Variants in SULT2A1 observed in about 807,000 individuals in gnomAD.
SULT2A1 encodes the protein sulfotransferase 2A1.
SULT2A1 carries 43 observed loss-of-function variants against 33.9 expected under a neutral mutation model. The ratio of observed to expected loss-of-function variants is 1.27; its 90% confidence interval spans 1.00 to 1.64. The LOEUF (loss-of-function observed/expected upper bound fraction) is 1.64, where lower values mean the gene tolerates loss of function less well. Among genes scored for constraint, SULT2A1 ranks in the 40% most tolerant of loss-of-function variants. The pLI, the probability that SULT2A1 is intolerant of heterozygous loss-of-function variation, is 0.00. For synonymous variants in SULT2A1, 125 were observed against 113.6 expected (o/e 1.10, Z -0.64); for missense variants, 300 against 335.1 (o/e 0.90, Z 0.82).
intron 2 of SULT2A1, among the ~76,000 whole-genome samples, chr19:47,883,343 A>G (rs1968620553): frequency 1.3e-5 from 2 of 151,772 alleles, no homozygotes; most frequent in Admixed American, 1.3e-4. Context: ...TAGTGTTTTC[A>G]CCCTATCCCT....
rs189108811 is a variant in SULT2A1 at position 47,874,055 on chromosome 19, C to T, written c.745+602G>A. 3.1e-3 allele frequency among the ~76,000 whole-genome samples: 470 copies of T among 152,202 alleles called. 1 individual carries two copies. Among genetic ancestry groups the T allele is most frequent in the Non-Finnish European group, 5.0e-3 (337 of 68,026 alleles). ...CTAGCAAGGGTTGCTAGTTAACCTG[C>T]TCACTGTCTGTAGAATGGATAATGC... On this transcript the variant is annotated intron_variant, in intron 5 of 5. Coordinates refer to ENST00000222002, the MANE Select transcript of SULT2A1 (RefSeq NM_003167.4).
chr19:47,882,821 A>G (rs1968616088), intron 2 of SULT2A1, among the ~76,000 whole-genome samples: 1 of 152,122 alleles, frequency 6.6e-6, no homozygotes, highest in South Asian at 2.1e-4. Context: ...AGGCTGGAGC[A>G]GGAGAATCAC....
chr19:47,875,518 G>A (rs1339758301), intron 4 of SULT2A1, among the ~76,000 whole-genome samples: 1 of 151,694 alleles, frequency 6.6e-6, no homozygotes, highest in African/African-American at 2.4e-5. Flanking sequence ...CACAGCTGTG[G>A]TACCAGCTAC....
chr19:47,874,271 T>A (rs1968520955), intron 5 of SULT2A1, among the ~76,000 whole-genome samples: 1 of 152,066 alleles, frequency 6.6e-6, no homozygotes, highest in South Asian at 2.1e-4. Context: ...CCGGGCGCCG[T>A]GGCTCATGCC....
rs1234034927 is a variant in SULT2A1 at position 47,871,299 on chromosome 19, A to G, written c.*156T>C. The G allele has an allele frequency of 2.7e-5, 17 of 636,884 alleles. No individual in the cohort carries two copies. The highest frequency in any genetic ancestry group is 4.0e-5 in the Non-Finnish European group (15 of 371,110). 39.5% of individuals were successfully genotyped at this position (636,884 alleles called of 1,614,324 possible). On this transcript the variant is annotated 3_prime_UTR_variant, in exon 6 of 6. Transcript: ENST00000222002. Reference sequence around the variant, plus strand: ...ACCACCGTGCCTGGCCAACCCTGGTAACTTTTAACAAGGAAGGGATCAGAG... The same window carrying G: ...ACCACCGTGCCTGGCCAACCCTGGTGACTTTTAACAAGGAAGGGATCAGAG...
At chr19:47,871,847 A>G (rs1282618708) in intron 5 of SULT2A1, among the ~76,000 whole-genome samples, 1 of 152,090 alleles carries the variant, frequency 6.6e-6, no homozygotes, top group Non-Finnish European at 1.5e-5. Context: ...TGTTTCTACC[A>G]CGTTGACTCA....
intron 1 of SULT2A1, among the ~76,000 whole-genome samples, chr19:47,885,644 C>T (rs1968649147): frequency 6.6e-6 from 1 of 152,198 alleles, no homozygotes; most frequent in Admixed American, 6.5e-5. Flanking sequence ...CGCCCTCCAC[C>T]CACAGCCCCA....
At chr19:47,884,646 C>T (rs966130604) in intron 1 of SULT2A1, among the ~76,000 whole-genome samples, 6 of 151,794 alleles carry the variant, frequency 4.0e-5, no homozygotes, top group African/African-American at 9.7e-5. Flanking sequence ...TGTGCCATCG[C>T]GCTGGGCTAA....
chr19:47,886,193 G>C lies in SULT2A1; in HGVS notation c.65C>G (p.Thr22Ser), dbSNP rs1030604616. Residue 22 changes from threonine to serine, a missense_variant, in exon 1 of 6, where the codon ACC becomes AGC. Thr to Ser is a moderately conservative substitution (Grantham distance 58, BLOSUM62 1). Coordinates refer to ENST00000222002, the MANE Select transcript of SULT2A1 (RefSeq NM_003167.4). ...AFPTMGFRSE[T>S]LRKVRDEFVI... The stretch of plus-strand genomic sequence containing the variant: ...GAACTCATCACGTACTTTTCTTAAG[G>C]TTTCGGATCTGAAACCCATAGTAGG... 6.2e-7 allele frequency: 1 copy of C among 1,614,014 alleles called. No individual in the cohort carries two copies. Among genetic ancestry groups the C allele is most frequent in the East Asian group, 2.2e-5 (1 of 44,870 alleles).
chr19:47,880,825 T>C (rs1224120155), intron 3 of SULT2A1, among the ~76,000 whole-genome samples: 1 of 151,922 alleles, frequency 6.6e-6, no homozygotes, highest in African/African-American at 2.4e-5. Flanking sequence ...TGACCTCAGG[T>C]GATCCGCCTG....
At chr19:47,875,158 C>CAAAAAA (rs36196588) in intron 4 of SULT2A1, among the ~76,000 whole-genome samples, 11 of 94,078 alleles carry the variant, frequency 1.2e-4, no homozygotes, top group South Asian at 3.9e-4. Flanking sequence ...GAGACCTTGT[C>CAAAAAA]AAAAAAAAAA....
chr19:47,874,174 C>T (rs529830950), intron 5 of SULT2A1, among the ~76,000 whole-genome samples: 1 of 152,258 alleles, frequency 6.6e-6, no homozygotes, highest in African/African-American at 2.4e-5. Context: ...CCACCTACAG[C>T]CCACATCAGT....
chr19:47,881,061 G>A (rs1968598660), intron 3 of SULT2A1, among the ~76,000 whole-genome samples: 1 of 151,952 alleles, frequency 6.6e-6, no homozygotes, highest in South Asian at 2.1e-4. Flanking sequence ...TTGAGATGGA[G>A]TTTTGATTTT....
chr19:47,877,204 T>C (rs62531008), intron 4 of SULT2A1, among the ~76,000 whole-genome samples: 8,976 of 141,826 alleles, frequency 0.063, 354 homozygotes, highest in East Asian at 0.14. Context: ...TTGGTGTTAT[T>C]TTCTCTTTTA....
Position 47,879,093 on chromosome 19 carries a change from C to A in SULT2A1, c.510G>T (p.Trp170Cys), listed in dbSNP as rs928731908. 1.9e-6 allele frequency: 3 copies of A among 1,613,762 alleles called. No homozygotes were observed. In the African/African-American group the frequency reaches 4.0e-5, roughly 22 times the overall value. The change falls in exon 4 of 6, where the codon TGG becomes TGT. Residue 170 changes from tryptophan to cysteine, a missense_variant. Transcript: ENST00000222002. ...YGSWFDHIHG[W>C]MPMREEKNFL... Reference sequence around the variant, plus strand: ...AGTTTTTCTCCTCTCTCATGGGCATCCAGCCATGAATGTGGTCAAACCATG... The same window carrying A: ...AGTTTTTCTCCTCTCTCATGGGCATACAGCCATGAATGTGGTCAAACCATG...
In SULT2A1 at chr19:47,872,777, G is replaced by C. The variant is rs76948276; in HGVS notation, c.746-1210C>G. On this transcript the variant is annotated intron_variant, in intron 5 of 5. Transcript: ENST00000222002. The stretch of plus-strand genomic sequence containing the variant: ...AGCATTTATCTTTTTTTTTTTTTTT[G>C]AGATGGAGTCTTGCTCTGTCTCCCA... Among the ~76,000 whole-genome samples, 36 of 76,816 alleles carry C rather than the reference G, an allele frequency of 4.7e-4. 1 individual carries two copies. Among genetic ancestry groups the C allele is most frequent in the African/African-American group, 1.9e-3 (35 of 18,172 alleles). The allele number at this position is 76,816 out of a possible 152,430, so 50.4% of individuals were successfully genotyped here. A position where few individuals can be genotyped will look rare whatever the true frequency, so the allele number is the denominator to read the frequency against.
rs972423172 is a variant in SULT2A1, at chr19:47,883,752, A to G, written c.170T>C (p.Met57Thr). Residue 57 changes from methionine to threonine, a missense_variant, in exon 2 of 6, where the codon ATG becomes ACG. Transcript: ENST00000222002. The part of the protein sequence containing the change: ...TNWLAEILCL[M>T]HSKGDAKWIQ... Reference sequence around the variant, plus strand: ...CCACTTGGCATCCCCCTTGGAGTGCATCAGGCAGAGAATCTCAGCCAACCA... The same window carrying G: ...CCACTTGGCATCCCCCTTGGAGTGCGTCAGGCAGAGAATCTCAGCCAACCA... 17 of 1,614,156 alleles carry G rather than the reference A, an allele frequency of 1.1e-5. No homozygotes were observed. Among genetic ancestry groups the G allele is most frequent in the Non-Finnish European group, 1.4e-5 (17 of 1,180,024 alleles).
intron 3 of SULT2A1, among the ~76,000 whole-genome samples, chr19:47,879,978 T>C (rs2122151462): frequency 6.6e-6 from 1 of 151,760 alleles, no homozygotes; most frequent in East Asian, 1.9e-4. Context: ...GGCTCACACC[T>C]GTAATCCCAG....
In SULT2A1 at chr19:47,871,416, A is replaced by G. The variant is rs1968491202; in HGVS notation, c.*39T>C. 5 of 1,450,754 alleles carry G rather than the reference A, an allele frequency of 3.4e-6. No homozygotes were observed. The highest frequency in any genetic ancestry group is 3.9e-6 in the Non-Finnish European group (4 of 1,031,552). 89.9% of individuals were successfully genotyped at this position (1,450,754 alleles called of 1,614,324 possible). A position where few individuals can be genotyped will look rare whatever the true frequency, so the allele number is the denominator to read the frequency against. ...GTACATGTACAAGGACAGGAGAATC[A>G]ATGTCATTCTCCATATAAGATCCAG... On this transcript the variant is annotated 3_prime_UTR_variant, in exon 6 of 6. Transcript: ENST00000222002.
Sources: allele counts gnomAD v4.1 joint callset (sites outside exome capture counted in the v4.1 genomes callset), GRCh38; gene constraint gnomAD v4.1.1; transcripts MANE v1.5; gene names NCBI Gene and HGNC (gene_info 2026-07-23, HGNC 2026-07-21).